CAMKMT: variants seen among roughly 807,000 people sequenced by gnomAD.
The protein encoded by CAMKMT is calmodulin-lysine N-methyltransferase.
Under a neutral mutation model 48.0 loss-of-function variants are expected in CAMKMT, and 53 were observed. The ratio of observed to expected loss-of-function variants is 1.10; its 90% confidence interval spans 0.89 to 1.39. CAMKMT has a LOEUF of 1.39. Ranked by LOEUF, CAMKMT falls within the 40% of genes most tolerant of loss-of-function variation. The pLI is 0.00. For synonymous variants in CAMKMT, 165 were observed against 152.3 expected, an observed-to-expected ratio of 1.08 and a Z score of -0.61; for missense variants, 428 against 402.7, an observed-to-expected ratio of 1.06 and a Z score of -0.54.
intron 3 of CAMKMT, among the ~76,000 whole-genome samples, chr2:44,573,547 T>TA (rs1328771937): frequency 2.0e-5 from 3 of 152,156 alleles, no homozygotes; most frequent in African/African-American, 7.2e-5. Context: ...TTAATTTTCT[T>TA]ACTGCCTGTG....
chr2:44,493,676 G>A (rs1264637389), intron 3 of CAMKMT, among the ~76,000 whole-genome samples: 1 of 152,076 alleles, frequency 6.6e-6, no homozygotes, highest in East Asian at 1.9e-4. Flanking sequence ...AACTTTGAGA[G>A]CTCCTTCTTT....
chr2:44,447,975 A>C (rs1463283177), intron 3 of CAMKMT, among the ~76,000 whole-genome samples: 1 of 152,220 alleles, frequency 6.6e-6, no homozygotes, highest in African/African-American at 2.4e-5. Context: ...TATGTATTTT[A>C]AATTTATAAG....
At chr2:44,459,519 G>A (rs1464335826) in intron 3 of CAMKMT, among the ~76,000 whole-genome samples, 1 of 152,156 alleles carries the variant, frequency 6.6e-6, no homozygotes, top group African/African-American at 2.4e-5. Flanking sequence ...AGGTATTTAA[G>A]CAGCAAAGAT....
intron 3 of CAMKMT, among the ~76,000 whole-genome samples, chr2:44,540,157 T>TAC (rs1667018308): frequency 1.4e-5 from 1 of 71,498 alleles, no homozygotes; most frequent in Admixed American, 1.7e-4. Context: ...TATATGTATA[T>TAC]ACATATATAT....
At chr2:44,560,684 G>C (rs973072732) in intron 3 of CAMKMT, among the ~76,000 whole-genome samples, 1 of 152,150 alleles carries the variant, frequency 6.6e-6, no homozygotes, top group African/African-American at 2.4e-5. Flanking sequence ...TAAGCTCTTT[G>C]GACAATAGTT....
intron 3 of CAMKMT, among the ~76,000 whole-genome samples, chr2:44,535,213 A>G (rs1363689507): frequency 6.6e-6 from 1 of 152,194 alleles, no homozygotes; most frequent in Non-Finnish European, 1.5e-5. Flanking sequence ...AGAAAACCTG[A>G]ATAGACCAAT....
At chr2:44,362,638 T>G (rs1678038798) in intron 1 of CAMKMT, among the ~76,000 whole-genome samples, 1 of 152,222 alleles carries the variant, frequency 6.6e-6, no homozygotes, top group Admixed American at 6.5e-5. Flanking sequence ...CCTCGGCATC[T>G]TCCGTACAGC....
intron 3 of CAMKMT, among the ~76,000 whole-genome samples, chr2:44,567,895 G>T (rs1039851136): frequency 2.0e-5 from 3 of 152,118 alleles, no homozygotes; most frequent in Non-Finnish European, 2.9e-5. Flanking sequence ...GTTATTTATC[G>T]AGTGCTTACT....
intron 3 of CAMKMT, among the ~76,000 whole-genome samples, chr2:44,497,036 C>G (rs1046267835): frequency 6.6e-6 from 1 of 152,076 alleles, no homozygotes; most frequent in Non-Finnish European, 1.5e-5. Context: ...GAAGGGTATC[C>G]TCATTTATTA....
intron 3 of CAMKMT, among the ~76,000 whole-genome samples, chr2:44,416,412 G>C (rs1683554251): frequency 6.6e-6 from 1 of 151,794 alleles, no homozygotes; most frequent in Non-Finnish European, 1.5e-5. Flanking sequence ...ACCCCAGAAT[G>C]TTTTCTTCTG....
chr2:44,563,667 C>G (rs1467068406), intron 3 of CAMKMT, among the ~76,000 whole-genome samples: 1 of 152,088 alleles, frequency 6.6e-6, no homozygotes, highest in East Asian at 1.9e-4. Context: ...TGTTCCCCAC[C>G]CTGTGTCCAA....
chr2:44,410,182 A>G (rs1373382590), intron 3 of CAMKMT, among the ~76,000 whole-genome samples: 1 of 125,488 alleles, frequency 8.0e-6, no homozygotes, highest in African/African-American at 3.6e-5. Context: ...CCAGTAATCC[A>G]GTAGTAATAC....
intron 3 of CAMKMT, among the ~76,000 whole-genome samples, chr2:44,467,959 G>A (rs1329187504): frequency 6.6e-6 from 1 of 152,076 alleles, no homozygotes; most frequent in Non-Finnish European, 1.5e-5. Flanking sequence ...AGATTTTATG[G>A]CTAAGACCTC....
At chr2:44,458,434 A>G (rs1353532394) in intron 3 of CAMKMT, among the ~76,000 whole-genome samples, 2 of 152,162 alleles carry the variant, frequency 1.3e-5, no homozygotes, top group African/African-American at 4.8e-5. Context: ...TATATTTCAC[A>G]CGGTTAAATG....
intron 3 of CAMKMT, among the ~76,000 whole-genome samples, chr2:44,578,196 AG>A (rs1669342567): frequency 6.6e-6 from 1 of 152,186 alleles, no homozygotes; most frequent in Non-Finnish European, 1.5e-5. Context: ...ATAATGGTTG[AG>A]GGTAAATTAA....
intron 3 of CAMKMT, among the ~76,000 whole-genome samples, chr2:44,593,576 C>G (rs1316750295): frequency 6.6e-6 from 1 of 152,164 alleles, no homozygotes; most frequent in East Asian, 1.9e-4. Context: ...TCACTCACCT[C>G]ATTTGTATTC....
rs11440012 is a variant in CAMKMT at position 44,381,940 on chromosome 2, CTTTTT to C, written c.312-8287_312-8283del. Among the ~76,000 whole-genome samples the C allele has an allele frequency of 5.4e-3, 671 of 124,806 alleles. 8 individuals are homozygous for C. The highest frequency in any genetic ancestry group is 0.019 in the African/African-American group (637 of 33,856). 81.9% of individuals were successfully genotyped at this position (124,806 alleles called of 152,430 possible). A position where few individuals can be genotyped will look rare whatever the true frequency, so the allele number is the denominator to read the frequency against. On this transcript the variant is annotated intron_variant, in intron 2 of 10. Transcript: ENST00000378494. The stretch of plus-strand genomic sequence containing the variant: ...ATAATTTTAATAGTTTTATCTTACA[CTTTTT>C]TTTTTTTTTTTTTGAGATGGAGTTT...
intron 3 of CAMKMT, among the ~76,000 whole-genome samples, chr2:44,481,204 C>A (rs1429059153): frequency 6.6e-6 from 1 of 151,942 alleles, no homozygotes; most frequent in Admixed American, 6.6e-5. Flanking sequence ...TTGTCAGCTA[C>A]TGAAAAAATT....
At chr2:44,386,159 A>G (rs1313009023) in intron 2 of CAMKMT, among the ~76,000 whole-genome samples, 2 of 151,788 alleles carry the variant, frequency 1.3e-5, no homozygotes, top group Non-Finnish European at 2.9e-5. Flanking sequence ...GCTGCTTGTT[A>G]TTGTTCTGTT....
Sources: allele counts gnomAD v4.1 joint callset (sites outside exome capture counted in the v4.1 genomes callset), GRCh38; gene constraint gnomAD v4.1.1; transcripts MANE v1.5; gene names NCBI Gene and HGNC (gene_info 2026-07-23, HGNC 2026-07-21).